The following EYA4 variants were observed in gnomAD, a reference collection of about 807,000 sequenced individuals.
The protein encoded by EYA4 is EYA transcriptional coactivator and phosphatase 4.
In EYA4, 31 loss-of-function variants were observed where a neutral mutation model predicts 87.9. The observed-to-expected ratio is 0.35, with a 90% CI of 0.27 to 0.48. EYA4 has a LOEUF of 0.48. Ranked by LOEUF, EYA4 falls within the 20% of genes least tolerant of loss-of-function variation. The pLI, the probability that EYA4 is intolerant of heterozygous loss-of-function variation, is 0.99. For synonymous variants in EYA4, 263 were observed against 270.6 expected (o/e 0.97, Z 0.28); for missense variants, 678 against 761.4 (o/e 0.89, Z 1.29).
At chr6:133,480,763 AATATT>A (rs1796139239) in intron 11 of EYA4, among the ~76,000 whole-genome samples, 2 of 152,188 alleles carry the variant, frequency 1.3e-5, no homozygotes, top group Non-Finnish European at 2.9e-5. Context: ...AAAACTTTAA[AATATT>A]ATATAAGATC....
intron 1 of EYA4, among the ~76,000 whole-genome samples, chr6:133,250,181 G>T (rs78860397): frequency 0.014 from 2,092 of 152,238 alleles, 38 homozygotes; most frequent in African/African-American, 0.042. Context: ...TCCAGGCTTA[G>T]GTTATATGTA....
chr6:133,431,382 A>T (rs995927115), intron 3 of EYA4, among the ~76,000 whole-genome samples: 1 of 152,212 alleles, frequency 6.6e-6, no homozygotes, highest in African/African-American at 2.4e-5. Flanking sequence ...GTTCAAACAA[A>T]TGTAACTTTT....
chr6:133,355,724 T>C (rs533125620), intron 2 of EYA4, among the ~76,000 whole-genome samples: 8 of 152,234 alleles, frequency 5.3e-5, no homozygotes, highest in Non-Finnish European at 8.8e-5. Flanking sequence ...GCTTCTTGTG[T>C]TGAAAAATCA....
At chr6:133,349,918 G>C (rs182835631) in intron 2 of EYA4, among the ~76,000 whole-genome samples, 1 of 152,220 alleles carries the variant, frequency 6.6e-6, no homozygotes, top group Admixed American at 6.5e-5. Context: ...TCTAGTAAAA[G>C]AAGTATAAAC....
In EYA4 at chr6:133,512,896, T is replaced by C; in HGVS notation, c.1359T>C (p.Thr453=). The stretch of plus-strand genomic sequence containing the variant: ...GTTACAGTACCTACAGTTTTGCAAC[T>C]GATGGCTTCCATGCAGCTGCAAGTA... The part of the protein sequence containing the change: ...GQDLSTYSFA[T]DGFHAAASSA... Residue 453 remains threonine, a synonymous_variant, in exon 16 of 20, where the codon ACT becomes ACC. Coordinates refer to ENST00000355286, the MANE Select transcript of EYA4 (RefSeq NM_004100.5). 6.2e-7 allele frequency: 1 copy of C among 1,614,192 alleles called. No individual in the cohort carries two copies. Among genetic ancestry groups the C allele is most frequent in the Non-Finnish European group, 8.5e-7 (1 of 1,180,014 alleles).
chr6:133,440,632 T>C (rs925283633), intron 3 of EYA4, among the ~76,000 whole-genome samples: 5 of 152,200 alleles, frequency 3.3e-5, no homozygotes, highest in African/African-American at 4.8e-5. Flanking sequence ...CTGAGGTATT[T>C]AAACATTGAT....
At chr6:133,477,022 C>T (rs1795803455) in intron 11 of EYA4, among the ~76,000 whole-genome samples, 2 of 152,108 alleles carry the variant, frequency 1.3e-5, no homozygotes, top group South Asian at 4.2e-4. Flanking sequence ...TTGGTAGTTC[C>T]TTCTGCTTTC....
At chr6:133,329,262 C>T (rs1196294224) in intron 2 of EYA4, among the ~76,000 whole-genome samples, 3 of 151,942 alleles carry the variant, frequency 2.0e-5, no homozygotes, top group Non-Finnish European at 2.9e-5. Flanking sequence ...ATTGGATCCA[C>T]GTTAATAGTC....
chr6:133,302,804 A>T (rs1048902510), intron 2 of EYA4, among the ~76,000 whole-genome samples: 3 of 152,228 alleles, frequency 2.0e-5, no homozygotes. Flanking sequence ...AGTTCGTAGA[A>T]TTTTAAATGT....
At chr6:133,295,669 A>G (rs1349576968) in intron 2 of EYA4, among the ~76,000 whole-genome samples, 1 of 152,198 alleles carries the variant, frequency 6.6e-6, no homozygotes, top group Admixed American at 6.5e-5. Context: ...AATAAAATCT[A>G]GTAAGGTTAG....
chr6:133,425,292 G>T (rs1790571039), intron 3 of EYA4, among the ~76,000 whole-genome samples: 1 of 150,656 alleles, frequency 6.6e-6, no homozygotes, highest in African/African-American at 2.5e-5. Context: ...AGGTGTTAAA[G>T]GAACTTAGAC....
chr6:133,488,656 C>T (rs1796882453), intron 13 of EYA4, among the ~76,000 whole-genome samples: 1 of 131,650 alleles, frequency 7.6e-6, no homozygotes, highest in South Asian at 2.3e-4. Flanking sequence ...AAGAAGAGGG[C>T]ATCTCTATGA....
rs932450184 is a variant in EYA4, at chr6:133,446,694, A to C, written c.148A>C (p.Ser50Arg). ...TLVGGGDTPGSSKLEKSNLSS... is the reference protein window; with the variant it reads ...TLVGGGDTPGRSKLEKSNLSS... Reference sequence around the variant, plus strand: ...TGTTGGAGGTGGTGATACTCCAGGTAGCTCCAAACTGGAAAAATCTAATCT... The same window carrying C: ...TGTTGGAGGTGGTGATACTCCAGGTCGCTCCAAACTGGAAAAATCTAATCT... The change falls in exon 4 of 20, where the codon AGC (serine) becomes CGC (arginine). Residue 50 changes from serine (S) to arginine (R), a missense_variant. By Grantham distance (110) the Ser-to-Arg change is moderately radical. Coordinates refer to ENST00000355286, the MANE Select transcript of EYA4 (RefSeq NM_004100.5). 1 of 1,613,952 alleles carries C rather than the reference A, an allele frequency of 6.2e-7. No homozygotes were observed. The highest frequency in any genetic ancestry group is 1.7e-5 in the Admixed American group (1 of 60,020).
In EYA4 at chr6:133,378,215, G is replaced by T. The variant is rs191269253; in HGVS notation, c.34-4177G>T. Among the ~76,000 whole-genome samples, 306 of 152,154 alleles carry T rather than the reference G, an allele frequency of 2.0e-3. 1 individual carries two copies. The highest frequency in any genetic ancestry group is 7.1e-3 in the African/African-American group (294 of 41,524). On this transcript the variant is annotated intron_variant, in intron 2 of 19. Transcript: ENST00000355286. ...AATGTAGCATAGGAGAGAATGAAAG[G>T]CTTGATGTGTGGCCTTAAGTTGTAA... is the stretch of plus-strand genomic sequence containing the variant.
At chr6:133,503,922 A>T (rs1463869926) in intron 13 of EYA4, among the ~76,000 whole-genome samples, 2 of 151,630 alleles carry the variant, frequency 1.3e-5, no homozygotes, top group African/African-American at 4.8e-5. Flanking sequence ...ACTTATTAAT[A>T]TTTTTTTTCT....
chr6:133,355,578 T>C (rs956688474), intron 2 of EYA4, among the ~76,000 whole-genome samples: 13 of 152,322 alleles, frequency 8.5e-5, no homozygotes, highest in Admixed American at 4.6e-4. Flanking sequence ...AATAGTTCTC[T>C]AATGATTGCA....
At chr6:133,364,767 C>T (rs1784731007) in intron 2 of EYA4, among the ~76,000 whole-genome samples, 1 of 152,176 alleles carries the variant, frequency 6.6e-6, no homozygotes. Flanking sequence ...TCCATGCTCC[C>T]TACAGTACAT....
intron 3 of EYA4, among the ~76,000 whole-genome samples, chr6:133,393,389 T>A (rs764613875): frequency 1.3e-5 from 2 of 152,144 alleles, no homozygotes; most frequent in Non-Finnish European, 2.9e-5. Context: ...TAAAGGAGTA[T>A]GTTAGAAGGT....
intron 2 of EYA4, among the ~76,000 whole-genome samples, chr6:133,374,425 A>G (rs1349914424): frequency 3.9e-5 from 6 of 152,054 alleles, no homozygotes; most frequent in Non-Finnish European, 7.4e-5. Context: ...GCCCAATACT[A>G]AAGGAGTAAA....
Sources: allele counts gnomAD v4.1 joint callset (sites outside exome capture counted in the v4.1 genomes callset), GRCh38; gene constraint gnomAD v4.1.1; transcripts MANE v1.5; gene names NCBI Gene and HGNC (gene_info 2026-07-23, HGNC 2026-07-21).